Variants in EMC2 observed in about 807,000 individuals in gnomAD.
EMC2 encodes ER membrane protein complex subunit 2.
A neutral mutation model predicts 51.6 loss-of-function variants in EMC2; 37 were observed. The ratio of observed to expected loss-of-function variants is 0.72; its 90% CI spans 0.55 to 0.94. The LOEUF (loss-of-function observed/expected upper bound fraction) is 0.94, where lower values mean the gene tolerates loss of function less well. Among genes scored for constraint, EMC2 ranks in the 40% least tolerant of loss-of-function variants. The probability of loss-of-function intolerance (pLI) is 0.00; values close to 1 mark genes in which losing one functional copy is unlikely to be tolerated. For synonymous variants in EMC2, 131 were observed against 112.4 expected, an observed-to-expected ratio of 1.17 and a Z score of -1.04; for missense variants, 359 against 350.9, an observed-to-expected ratio of 1.02 and a Z score of -0.18.
intron 7 of EMC2, among the ~76,000 whole-genome samples, chr8:108,471,163 C>T (rs1810847927): frequency 6.6e-6 from 1 of 151,854 alleles, no homozygotes; most frequent in Non-Finnish European, 1.5e-5. Flanking sequence ...GAATCACATT[C>T]AGTATAGATG....
intron 5 of EMC2, among the ~76,000 whole-genome samples, chr8:108,464,598 C>T (rs115365101): frequency 0.01 from 1,574 of 152,296 alleles, 37 homozygotes; most frequent in African/African-American, 0.037. Flanking sequence ...TACGGAGGAC[C>T]AGGTGCAGCC....
intron 5 of EMC2, among the ~76,000 whole-genome samples, chr8:108,469,469 G>GT (rs1810807179): frequency 6.6e-6 from 1 of 152,000 alleles, no homozygotes; most frequent in Non-Finnish European, 1.5e-5. Context: ...AATCTCCACT[G>GT]TTCCTCCCCC....
At chr8:108,457,329 T>TGC (rs1272712050) in intron 5 of EMC2, among the ~76,000 whole-genome samples, 1 of 82,792 alleles carries the variant, frequency 1.2e-5, no homozygotes, top group Non-Finnish European at 3.1e-5. Flanking sequence ...TGCGTGTGTG[T>TGC]GCGTGTGTGT....
At chr8:108,456,849 A>G (rs1819177327) in intron 5 of EMC2, among the ~76,000 whole-genome samples, 1 of 152,194 alleles carries the variant, frequency 6.6e-6, no homozygotes, top group South Asian at 2.1e-4. Context: ...ATTTCCACGC[A>G]CACATATGCC....
intron 5 of EMC2, among the ~76,000 whole-genome samples, chr8:108,459,432 A>G (rs971558719): frequency 3.9e-5 from 6 of 152,196 alleles, no homozygotes; most frequent in African/African-American, 1.4e-4. Flanking sequence ...ACAGTTCCAC[A>G]TGGCTGGGGA....
At chr8:108,485,586 T>C (rs1031678447) in intron 10 of EMC2, among the ~76,000 whole-genome samples, 5 of 146,806 alleles carry the variant, frequency 3.4e-5, no homozygotes, top group Non-Finnish European at 6.0e-5. Context: ...CACAATAAAC[T>C]TTCTCCCATC....
chr8:108,475,713 G>C, intron 7 of EMC2, 169 bp from the exon 8 acceptor site: 1 of 523,736 alleles, frequency 1.9e-6, no homozygotes, highest in Non-Finnish European at 3.4e-6. Flanking sequence ...TAATGTCATT[G>C]ATATTTATGA....
chr8:108,483,755 G>A (rs974597991), intron 10 of EMC2, among the ~76,000 whole-genome samples: 6 of 152,068 alleles, frequency 3.9e-5, no homozygotes, highest in African/African-American at 1.2e-4. Flanking sequence ...AGAGAATTAT[G>A]AAAGATTTAC....
chr8:108,448,885 C>T (rs1328228319), intron 1 of EMC2, among the ~76,000 whole-genome samples: 1 of 152,012 alleles, frequency 6.6e-6, no homozygotes, highest in Non-Finnish European at 1.5e-5. Flanking sequence ...TCCTGTCAGA[C>T]AGCCATGATT....
intron 10 of EMC2, 67 bp downstream of exon 10, chr8:108,479,177 A>T: frequency 1.2e-6 from 1 of 805,252 alleles, no homozygotes; most frequent in Non-Finnish European, 1.9e-6. Context: ...GTTACTACAA[A>T]CTACAAAGTC....
intron 3 of EMC2, among the ~76,000 whole-genome samples, chr8:108,451,030 C>T (rs994911180): frequency 1.3e-5 from 2 of 151,988 alleles, no homozygotes; most frequent in African/African-American, 2.4e-5. Flanking sequence ...GGTGAAACCC[C>T]GTCTCTAGTA....
intron 9 of EMC2, among the ~76,000 whole-genome samples, chr8:108,477,295 A>G (rs184119349): frequency 1.1e-4 from 17 of 152,152 alleles, no homozygotes; most frequent in Middle Eastern, 3.4e-3. Context: ...TCCCTAATAC[A>G]TCAAATTAAA....
chr8:108,451,803 AC>A (rs1298518758), intron 3 of EMC2, among the ~76,000 whole-genome samples: 1 of 152,200 alleles, frequency 6.6e-6, no homozygotes, highest in African/African-American at 2.4e-5. Flanking sequence ...TTAAACAGTA[AC>A]TTTATAATGG....
At chr8:108,459,103 C>T (rs1819242022) in intron 5 of EMC2, among the ~76,000 whole-genome samples, 1 of 152,190 alleles carries the variant, frequency 6.6e-6, no homozygotes. Context: ...CAGTTTCCAA[C>T]AAGTTCCTCA....
chr8:108,468,495 T>C (rs1810777959), intron 5 of EMC2, among the ~76,000 whole-genome samples: 1 of 152,140 alleles, frequency 6.6e-6, no homozygotes, highest in Non-Finnish European at 1.5e-5. Flanking sequence ...CTTAAGGATA[T>C]ATATTATTAA....
At position 108,455,940 on chromosome 8, in the gene EMC2, C is replaced by A. The variant is rs1160565456; in HGVS notation, c.363+10C>A. 4 of 1,294,494 alleles carry A rather than the reference C, an allele frequency of 3.1e-6. No individual in the cohort carries two copies. Among genetic ancestry groups the A allele is most frequent in the Non-Finnish European group, 4.2e-6 (4 of 954,032 alleles). The allele number at this position is 1,294,494 out of a possible 1,614,324, so 80.2% of individuals were successfully genotyped here. A position where few individuals can be genotyped will look rare whatever the true frequency, so the allele number is the denominator to read the frequency against. On this transcript the variant is annotated intron_variant, in intron 5 of 10. Transcript: ENST00000220853. ...AGATCCAACTAACACTGTAAGTTGG[C>A]AGATTGTCTTGAAAAAAATCTAAAG...
chr8:108,483,939 C>A (rs533966461), intron 10 of EMC2, among the ~76,000 whole-genome samples: 3 of 151,878 alleles, frequency 2.0e-5, no homozygotes, highest in Non-Finnish European at 4.4e-5. Flanking sequence ...TATAATATTT[C>A]GTATGGGATT....
intron 5 of EMC2, among the ~76,000 whole-genome samples, chr8:108,459,415 T>C (rs1819253126): frequency 6.6e-6 from 1 of 152,188 alleles, no homozygotes; most frequent in Non-Finnish European, 1.5e-5. Flanking sequence ...TAAGGTGTAT[T>C]GGACTTACAG....
At chr8:108,458,868 A>T (rs917356675) in intron 5 of EMC2, among the ~76,000 whole-genome samples, 1 of 152,248 alleles carries the variant, frequency 6.6e-6, no homozygotes, top group South Asian at 2.1e-4. Flanking sequence ...TTACTTTTCT[A>T]TTGCATTGTC....
Sources: gnomAD v4.1 joint callset for allele counts (sites outside exome capture counted in the v4.1 genomes callset) on GRCh38, gnomAD v4.1.1 for gene constraint, MANE v1.5 for transcripts, NCBI Gene and HGNC (gene_info 2026-07-23, HGNC 2026-07-21) for gene names.